The following FAM186B variants were observed in gnomAD, a reference collection of about 807,000 sequenced individuals.
The protein encoded by FAM186B is family with sequence similarity 186 member B, also known as protein FAM186B.
Under a neutral mutation model 83.4 loss-of-function variants are expected in FAM186B, and 68 were observed. The ratio of observed to expected loss-of-function variants is 0.81; its 90% CI spans 0.67 to 1.00. The LOEUF is 1.00. FAM186B is among the 50% of genes least tolerant of loss of function. The pLI is 0.00. For missense variants in FAM186B, 983 were observed against 1,099.2 expected (o/e 0.89, Z 1.49); for synonymous variants, 389 against 422.0 (o/e 0.92, Z 0.96).
intron 5 of FAM186B, among the ~76,000 whole-genome samples, chr12:49,597,707 T>C (rs1939761576): frequency 6.6e-6 from 1 of 152,242 alleles, no homozygotes; most frequent in Non-Finnish European, 1.5e-5. Flanking sequence ...ATGTATCTTA[T>C]AATGTCATGT....
chr12:49,599,210 A>C (rs1202763393), intron 4 of FAM186B, among the ~76,000 whole-genome samples: 1 of 151,980 alleles, frequency 6.6e-6, no homozygotes, highest in Non-Finnish European at 1.5e-5. Context: ...GGAAGAGAGG[A>C]AGAGAGAGGG....
In FAM186B at chr12:49,604,364, T is replaced by C. The variant is rs1939964824; in HGVS notation, c.271A>G (p.Met91Val). Residue 91 changes from methionine (M) to valine (V), a missense_variant, in exon 2 of 7, where the codon ATG becomes GTG. Met to Val is a conservative substitution (Grantham distance 21). Transcript: ENST00000257894. ...EKIASFSKDA[M>V]MKEKHLYDIL... ...TCATACAGGTGCTTCTCCTTCATCA[T>C]AGCATCTTTGGAGAAGGAGGCAATT... The C allele has an allele frequency of 1.9e-6, 3 of 1,614,258 alleles. No individual in the cohort carries two copies. In the South Asian group the frequency reaches 3.3e-5, roughly 18 times the overall value.
In FAM186B at chr12:49,587,645, C is replaced by T. The variant is rs369414851; in HGVS notation, c.2642G>A (p.Gly881Glu). The change falls in exon 7 of 7, where the codon GGA becomes GAA. Residue 881 changes from glycine to glutamate, a missense_variant. Gly to Glu is a moderately conservative substitution (Grantham distance 98). Transcript: ENST00000257894. ...CAACAGCCGGGGAATATCTGGGTGT[C>T]CCCTCAGCTGGTCCCGGGGAAGGCT... ...PASLPRDQLR[G>E]HPDIPRLLTL... The T allele has an allele frequency of 1.2e-6, 2 of 1,613,628 alleles. No homozygotes were observed. The highest frequency in any genetic ancestry group is 1.3e-5 in the African/African-American group (1 of 75,016).
At chr12:49,601,241 G>A (rs1207477843) in intron 3 of FAM186B, 107 bp from the exon 4 acceptor site, 1 of 1,416,036 alleles carries the variant, frequency 7.1e-7, no homozygotes, top group Non-Finnish European at 9.3e-7. Context: ...TTAGGGATTT[G>A]GCGAGAGTAG....
chr12:49,605,451 C>T lies in FAM186B; in HGVS notation c.27G>A (p.Leu9=), dbSNP rs746498043. Residue 9 remains leucine (L), a synonymous_variant, in exon 1 of 7, where the codon TTG becomes TTA. Coordinates refer to ENST00000257894, the MANE Select transcript of FAM186B (RefSeq NM_032130.3). MEKDDPPQ[L]VTPTSVKAII... ...TGGCTTTCACTGATGTGGGAGTCAC[C>T]AACTGTGGGGGGTCATCCTTCTCCA... is the stretch of plus-strand genomic sequence containing the variant. 6.2e-7 allele frequency: 1 copy of T among 1,613,830 alleles called. No homozygotes were observed. The highest frequency in any genetic ancestry group is 2.2e-5 in the East Asian group (1 of 44,874).
At chr12:49,596,729 A>T (rs1036569110) in intron 5 of FAM186B, among the ~76,000 whole-genome samples, 4 of 152,176 alleles carry the variant, frequency 2.6e-5, no homozygotes, top group African/African-American at 7.2e-5. Flanking sequence ...GGAGGCTCCT[A>T]AAAAAATTAA....
chr12:49,618,959 A>G, the FAM186B span, among the ~76,000 whole-genome samples: 3 of 152,258 alleles, frequency 2.0e-5, no homozygotes, highest in African/African-American at 7.2e-5. Flanking sequence ...ATTTCAGAAC[A>G]TTGGAAACAA....
the FAM186B span, among the ~76,000 whole-genome samples, chr12:49,613,134 T>C: frequency 6.6e-6 from 1 of 152,186 alleles, no homozygotes; most frequent in Non-Finnish European, 1.5e-5. Flanking sequence ...TGAATGACTT[T>C]TGGGTAAGCA....
chr12:49,622,455 C>T, the FAM186B span, among the ~76,000 whole-genome samples: 1 of 152,290 alleles, frequency 6.6e-6, no homozygotes, highest in East Asian at 1.9e-4. Flanking sequence ...TGCAGTGAAC[C>T]CTGATTGTGC....
At chr12:49,589,980 A>C (rs1592544116) in intron 5 of FAM186B, among the ~76,000 whole-genome samples, 1 of 142,898 alleles carries the variant, frequency 7.0e-6, no homozygotes, top group East Asian at 2.0e-4. Flanking sequence ...TCTGTCTCCA[A>C]AAAAAAAAAA....
the FAM186B span, among the ~76,000 whole-genome samples, chr12:49,617,282 C>T: frequency 2.0e-5 from 3 of 152,222 alleles, no homozygotes; most frequent in South Asian, 2.1e-4. Context: ...TGGTGGCTCA[C>T]GCCTGTAATC....
At chr12:49,594,902 C>T (rs1939678537) in intron 5 of FAM186B, among the ~76,000 whole-genome samples, 1 of 151,378 alleles carries the variant, frequency 6.6e-6, no homozygotes, top group Non-Finnish European at 1.5e-5. Context: ...ATGCCGCAGA[C>T]TGAAAGATAA....
At chr12:49,605,951 A>G (rs2138316898), upstream of FAM186B, among the ~76,000 whole-genome samples, 1 of 151,490 alleles carries the variant, frequency 6.6e-6, no homozygotes, top group African/African-American at 2.4e-5. Flanking sequence ...TTTAGTAAAG[A>G]CGGGGTTTCA....
Position 49,599,500 on chromosome 12 carries a change from A to G in FAM186B, c.2140T>C (p.Tyr714His). ...ALRLQYLCHK[Y>H]IFYRRLQSLR... ...CTCTGGAGGCGTCTATAGAAGATGTACTTATGGCACAGGTACTGCAGCCTG... is the reference window on the plus strand; with the variant it reads ...CTCTGGAGGCGTCTATAGAAGATGTGCTTATGGCACAGGTACTGCAGCCTG... Residue 714 changes from tyrosine (Y) to histidine (H), a missense_variant, in exon 4 of 7, where the codon TAC (tyrosine) becomes CAC (histidine). Coordinates refer to ENST00000257894, the MANE Select transcript of FAM186B (RefSeq NM_032130.3). 6.4e-7 allele frequency: 1 copy of G among 1,562,754 alleles called. No individual in the cohort carries two copies. Among genetic ancestry groups the G allele is most frequent in the East Asian group, 2.2e-5 (1 of 44,558 alleles).
At chr12:49,589,408 G>A (rs546654397) in intron 5 of FAM186B, among the ~76,000 whole-genome samples, 1 of 152,344 alleles carries the variant, frequency 6.6e-6, no homozygotes, top group East Asian at 1.9e-4. Context: ...TGAGCTGAGG[G>A]CTGCTCATCC....
rs1362526829 is a variant in FAM186B at position 49,605,373 on chromosome 12, A to T, written c.96+9T>A. 1 of 1,610,266 alleles carries T rather than the reference A, an allele frequency of 6.2e-7. No individual in the cohort carries two copies. The highest frequency in any genetic ancestry group is 1.3e-5 in the African/African-American group (1 of 74,912). ...AATGTAAGAGTGATTCCTTCATCTC[A>T]GGGGCTACCTCTTGAGCCCGAGTTA... On this transcript the variant is annotated intron_variant, in intron 1 of 6. Coordinates refer to ENST00000257894, the MANE Select transcript of FAM186B (RefSeq NM_032130.3).
At position 49,599,536 on chromosome 12, in the gene FAM186B, G is replaced by T; in HGVS notation, c.2104C>A (p.Leu702Met). ...ALELTTTTMELGALRLQYLCH... is the reference protein window; with the variant it reads ...ALELTTTTMEMGALRLQYLCH... ...AGGTACTGCAGCCTGAGCGCGCCCAGCTCCATGGTGGTGGTGGTGAGCTCC... is the reference window on the plus strand; with the variant it reads ...AGGTACTGCAGCCTGAGCGCGCCCATCTCCATGGTGGTGGTGGTGAGCTCC... The change falls in exon 4 of 7, where the codon CTG becomes ATG. Residue 702 changes from leucine (L) to methionine (M), a missense_variant. By Grantham distance (15) the Leu-to-Met change is conservative (BLOSUM62 2). Transcript: ENST00000257894. The T allele has an allele frequency of 1.2e-6, 2 of 1,606,108 alleles. No individual in the cohort carries two copies. Among genetic ancestry groups the T allele is most frequent in the Middle Eastern group, 1.7e-4 (1 of 5,994 alleles).
At chr12:49,601,461 C>T (rs1939892589) in intron 3 of FAM186B, among the ~76,000 whole-genome samples, 1 of 152,198 alleles carries the variant, frequency 6.6e-6, no homozygotes, top group Non-Finnish European at 1.5e-5. Flanking sequence ...TTTTTCTAAT[C>T]ATGCCACTTC....
At chr12:49,621,906 G>T in the FAM186B span, among the ~76,000 whole-genome samples, 1 of 152,232 alleles carries the variant, frequency 6.6e-6, no homozygotes, top group East Asian at 1.9e-4. Flanking sequence ...AGGTGAAAAC[G>T]TTGCCTCCAG....
Sources: gnomAD v4.1 joint callset for allele counts (sites outside exome capture counted in the v4.1 genomes callset) on GRCh38, gnomAD v4.1.1 for gene constraint, MANE v1.5 for transcripts, NCBI Gene and HGNC (gene_info 2026-07-23, HGNC 2026-07-21) for gene names.